DNAAF11: variants seen among roughly 807,000 people sequenced by gnomAD.
DNAAF11 encodes the protein dynein axonemal assembly factor 11.
In DNAAF11, 45 loss-of-function variants were observed where a neutral mutation model predicts 60.8. The observed-to-expected ratio is 0.74, with a 90% CI of 0.58 to 0.95. DNAAF11 has a LOEUF of 0.95. Among genes scored for constraint, DNAAF11 ranks in the 40% least tolerant of loss-of-function variants. The pLI, the probability that DNAAF11 is intolerant of heterozygous loss-of-function variation, is 0.00. For synonymous variants in DNAAF11, 191 were observed against 183.5 expected, an observed-to-expected ratio of 1.04 and a Z score of -0.33; for missense variants, 546 against 546.2, an observed-to-expected ratio of 1.00 and a Z score of 0.00.
At chr8:132,653,957 G>A (rs769793597) in intron 3 of DNAAF11, among the ~76,000 whole-genome samples, 8 of 151,936 alleles carry the variant, frequency 5.3e-5, no homozygotes, top group Non-Finnish European at 1.2e-4. Flanking sequence ...CAAATTAAAA[G>A]GCAGAGATTG....
chr8:132,585,253 G>A (rs1234681112), intron 10 of DNAAF11, among the ~76,000 whole-genome samples: 6 of 152,250 alleles, frequency 3.9e-5, no homozygotes, highest in Non-Finnish European at 8.8e-5. Flanking sequence ...TCATACAGTG[G>A]TGCAAGACTA....
At chr8:132,641,128 G>T (rs1586664530) in intron 3 of DNAAF11, among the ~76,000 whole-genome samples, 1 of 152,104 alleles carries the variant, frequency 6.6e-6, no homozygotes, top group East Asian at 1.9e-4. Context: ...ATGAAAACAA[G>T]TCATTAGAAT....
chr8:132,572,547 C>A, intron 11 of DNAAF11, 67 bp from the exon 12 acceptor site: 3 of 1,192,340 alleles, frequency 2.5e-6, no homozygotes, highest in Non-Finnish European at 3.6e-6. Context: ...ACAGATTCAA[C>A]TCACCCATCC....
At chr8:132,667,586 G>T (rs1169219877) in intron 1 of DNAAF11, among the ~76,000 whole-genome samples, 1 of 152,138 alleles carries the variant, frequency 6.6e-6, no homozygotes, top group African/African-American at 2.4e-5. Context: ...ATTTCAAACA[G>T]CAAAATATAA....
In DNAAF11 at chr8:132,595,347, G is replaced by GAAAAAAAAAAAAAAAAAAAAAAAAAAA. The variant is rs1563992420; in HGVS notation, c.1141-11569_1141-11568insTTTTTTTTTTTTTTTTTTTTTTTTTTT. Among the ~76,000 whole-genome samples the GAAAAAAAAAAAAAAAAAAAAAAAAAAA allele has an allele frequency of 9.8e-5, 4 of 40,680 alleles. 2 individuals carry two copies. Among genetic ancestry groups the GAAAAAAAAAAAAAAAAAAAAAAAAAAA allele is most frequent in the Non-Finnish European group, 9.4e-5 (2 of 21,374 alleles). The allele number at this position is 40,680 out of a possible 152,430, so 26.7% of individuals were successfully genotyped here. On this transcript the variant is annotated intron_variant, in intron 10 of 11. Transcript: ENST00000620350. ...TTCCCGAAAGAGAGAGAGACAGAGGGGAAAAAAAAAAAAAAAAAAAAAAAA... is the reference window on the plus strand; with the variant it reads ...TTCCCGAAAGAGAGAGAGACAGAGGGAAAAAAAAAAAAAAAAAAAAAAAAAAAGAAAAAAAAAAAAAAAAAAAAAAAA...
chr8:132,624,200 G>T (rs1450677418), intron 6 of DNAAF11, among the ~76,000 whole-genome samples: 1 of 152,118 alleles, frequency 6.6e-6, no homozygotes, highest in Non-Finnish European at 1.5e-5. Context: ...AAGGGCTCTT[G>T]AGTCTGCAAA....
At chr8:132,622,409 C>T (rs1319254368) in intron 7 of DNAAF11, among the ~76,000 whole-genome samples, 1 of 152,040 alleles carries the variant, frequency 6.6e-6, no homozygotes, top group African/African-American at 2.4e-5. Context: ...TTTCTAGATG[C>T]CAAGAAAATT....
At chr8:132,625,506 A>G (rs780986364) in intron 5 of DNAAF11, 52 bp from the exon 6 acceptor site, 9 of 1,351,662 alleles carry the variant, frequency 6.7e-6, no homozygotes, top group Admixed American at 6.4e-5. Context: ...CATGAGCTTC[A>G]TCCTTAATGC....
the DNAAF11 span, among the ~76,000 whole-genome samples, chr8:132,682,262 A>G: frequency 1.7e-4 from 26 of 152,284 alleles, no homozygotes; most frequent in Admixed American, 3.3e-4. Flanking sequence ...CTGAGGCTCC[A>G]TGTTAAAGTC....
In DNAAF11 at chr8:132,574,964, G is replaced by T. The variant is rs112897357; in HGVS notation, c.1227-2484C>A. Among the ~76,000 whole-genome samples, 741 of 152,284 alleles carry T rather than the reference G, an allele frequency of 4.9e-3. 12 individuals carry two copies. Among genetic ancestry groups the T allele is most frequent in the African/African-American group, 0.017 (713 of 41,548 alleles). ...AAGAGGGGTTTTCTATTCTTGACATGTGGCACATAAGCTTATATCCATCAA... is the reference window on the plus strand; with the variant it reads ...AAGAGGGGTTTTCTATTCTTGACATTTGGCACATAAGCTTATATCCATCAA... On this transcript the variant is annotated intron_variant, in intron 11 of 11. Coordinates refer to ENST00000620350, the MANE Select transcript of DNAAF11 (RefSeq NM_012472.6).
intron 3 of DNAAF11, among the ~76,000 whole-genome samples, chr8:132,642,671 G>A (rs757886820): frequency 6.6e-5 from 10 of 152,172 alleles, no homozygotes; most frequent in East Asian, 1.9e-4. Flanking sequence ...AAAGAAACAC[G>A]CCCAGAAGCA....
the DNAAF11 span, among the ~76,000 whole-genome samples, chr8:132,698,309 A>G: frequency 5.2e-4 from 79 of 152,332 alleles, no homozygotes; most frequent in Middle Eastern, 6.8e-3. Flanking sequence ...CAGAGAGGTT[A>G]GATGATTTTC....
chr8:132,641,209 A>T (rs1343972615), intron 3 of DNAAF11, among the ~76,000 whole-genome samples: 1 of 152,152 alleles, frequency 6.6e-6, no homozygotes, highest in African/African-American at 2.4e-5. Context: ...CTTCCCACAA[A>T]TTACTCATTA....
At chr8:132,578,027 A>C (rs568190019) in intron 11 of DNAAF11, among the ~76,000 whole-genome samples, 2 of 152,184 alleles carry the variant, frequency 1.3e-5, no homozygotes, top group African/African-American at 4.8e-5. Context: ...AAACACCTTC[A>C]TTATAGTCAT....
intron 3 of DNAAF11, among the ~76,000 whole-genome samples, chr8:132,648,093 C>T (rs965755026): frequency 2.0e-5 from 3 of 152,122 alleles, no homozygotes; most frequent in Admixed American, 6.5e-5. Flanking sequence ...TGATTAATAT[C>T]GATGCAAAAA....
intron 7 of DNAAF11, among the ~76,000 whole-genome samples, chr8:132,621,193 G>C (rs1170331771): frequency 6.6e-6 from 1 of 152,218 alleles, no homozygotes; most frequent in Non-Finnish European, 1.5e-5. Flanking sequence ...TGTGGTGTAT[G>C]TGGTGAGGAA....
intron 7 of DNAAF11, among the ~76,000 whole-genome samples, chr8:132,616,785 T>C (rs922235980): frequency 6.6e-6 from 1 of 152,160 alleles, no homozygotes; most frequent in African/African-American, 2.4e-5. Context: ...AGCAAGGCAA[T>C]ATACTTCTAT....
At chr8:132,573,953 G>A (rs1233374194) in intron 11 of DNAAF11, among the ~76,000 whole-genome samples, 1 of 152,188 alleles carries the variant, frequency 6.6e-6, no homozygotes, top group African/African-American at 2.4e-5. Flanking sequence ...AATGGAAAAG[G>A]GGCTTGTGTA....
intron 6 of DNAAF11, among the ~76,000 whole-genome samples, chr8:132,623,210 T>A (rs1471054990): frequency 6.6e-6 from 1 of 152,160 alleles, no homozygotes; most frequent in Admixed American, 6.5e-5. Context: ...TGAATGTCCA[T>A]CAGTGGAAAA....
Sources: allele counts gnomAD v4.1 joint callset (sites outside exome capture counted in the v4.1 genomes callset), GRCh38; gene constraint gnomAD v4.1.1; transcripts MANE v1.5; gene names NCBI Gene and HGNC (gene_info 2026-07-23, HGNC 2026-07-21).